UQCRC1: variants seen among roughly 807,000 people sequenced by gnomAD.
UQCRC1 encodes cytochrome b-c1 complex subunit 1, mitochondrial.
Under a neutral mutation model 58.0 loss-of-function variants are expected in UQCRC1, and 34 were observed. That is an observed-to-expected ratio of 0.59 (90% CI 0.45 to 0.78). UQCRC1 has a LOEUF of 0.78. UQCRC1 is among the 30% of genes least tolerant of loss of function. UQCRC1 has a pLI of 0.00. For missense variants in UQCRC1, 610 were observed against 646.0 expected (o/e 0.94, Z 0.60); for synonymous variants, 276 against 248.8 (o/e 1.11, Z -1.03).
intron 11 of UQCRC1, 78 bp from the exon 12 acceptor site, chr3:48,599,788 C>A: frequency 6.9e-7 from 1 of 1,441,576 alleles, no homozygotes; most frequent in South Asian, 1.1e-5. Context: ...ATCCAACTAG[C>A]AGAGATCTCC....
In UQCRC1 at chr3:48,604,741, C is replaced by A; in HGVS notation, c.337G>T (p.Val113Leu). 1.2e-6 allele frequency: 2 copies of A among 1,614,168 alleles called. No homozygotes were observed. The highest frequency in any genetic ancestry group is 1.1e-5 in the South Asian group (1 of 91,082). ...NRPGSALEKEVESMGAHLNAY... is the reference protein window; with the variant it reads ...NRPGSALEKELESMGAHLNAY... ...TTAAGATGGGCCCCCATGCTCTCCA[C>A]CTCCTTCTCCAGGGCACTGCCAGGC... The change falls in exon 4 of 13, where the codon GTG (valine) becomes TTG (leucine). Residue 113 changes from valine (V) to leucine (L), a missense_variant. Coordinates refer to ENST00000203407, the MANE Select transcript of UQCRC1 (RefSeq NM_003365.3).
At chr3:48,604,547 G>A in intron 4 of UQCRC1, 104 bp downstream of exon 4, 1 of 1,589,338 alleles carries the variant, frequency 6.3e-7, no homozygotes, top group South Asian at 1.1e-5. Context: ...CAGCTGCAAA[G>A]CCATACGCTA....
At chr3:48,609,131 G>A in intron 2 of UQCRC1, 31 bp downstream of exon 2, 2 of 1,583,672 alleles carry the variant, frequency 1.3e-6, no homozygotes, top group East Asian at 4.6e-5. Flanking sequence ...CCAACCTGGA[G>A]GCCCTCTCCC....
chr3:48,609,285 C>G lies in UQCRC1; in HGVS notation c.87G>C (p.Thr29=). ...RARRSPALLR[T]PALRSTATFA... ...AGGTTGCCGTACTCCGCAAGGCTGG[C>G]GTCCGCAGCAGGGCCGGCTGTGGAA... Residue 29 remains threonine, a synonymous_variant, in exon 2 of 13, where the codon ACG becomes ACC. Transcript: ENST00000203407. 6.2e-7 allele frequency: 1 copy of G among 1,610,022 alleles called. No individual in the cohort carries two copies. The highest frequency in any genetic ancestry group is 8.5e-7 in the Non-Finnish European group (1 of 1,177,742).
intron 5 of UQCRC1, 144 bp from the exon 6 acceptor site, chr3:48,603,787 C>A: frequency 1.3e-6 from 1 of 785,538 alleles, no homozygotes; most frequent in Non-Finnish European, 2.1e-6. Context: ...CAACCCCCTT[C>A]CCCTGTCTCT....
At chr3:48,606,932 T>C (rs1012145225) in intron 2 of UQCRC1, among the ~76,000 whole-genome samples, 1 of 151,982 alleles carries the variant, frequency 6.6e-6, no homozygotes, top group Non-Finnish European at 1.5e-5. Context: ...TGATGTCGGC[T>C]CACTCAACCT....
In UQCRC1 at chr3:48,600,573, G is replaced by T. The variant is rs1163904432; in HGVS notation, c.1128-6C>A. 6.2e-7 allele frequency: 1 copy of T among 1,614,138 alleles called. No individual in the cohort carries two copies. Among genetic ancestry groups the T allele is most frequent in the Admixed American group, 1.7e-5 (1 of 60,026 alleles). On this transcript the variant is annotated splice_region_variant and splice_polypyrimidine_tract_variant and intron_variant, in intron 9 of 12. Coordinates refer to ENST00000203407, the MANE Select transcript of UQCRC1 (RefSeq NM_003365.3). ...CACTGGTACACAGGCGCATCCTAAA[G>T]TGGGGGGGTGGGTGGTATTCATTCT...
Position 48,600,106 on chromosome 3 carries a change from T to C in UQCRC1, c.1259A>G (p.Tyr420Cys), listed in dbSNP as rs569760734. 6 of 1,614,068 alleles carry C rather than the reference T, an allele frequency of 3.7e-6. No homozygotes were observed. The highest frequency in any genetic ancestry group is 2.2e-5 in the South Asian group (2 of 91,080). Residue 420 changes from tyrosine (Y) to cysteine (C), a missense_variant, in exon 11 of 13, where the codon TAT (tyrosine) becomes TGT (cysteine). By Grantham distance (194) the Tyr-to-Cys change is radical. Coordinates refer to ENST00000203407, the MANE Select transcript of UQCRC1 (RefSeq NM_003365.3). ...CEDIGRSLLT[Y>C]GRRIPLAEWE... is the part of the protein sequence containing the mutation. ...TTCAGCCAGGGGGATGCGGCGGCCA[T>C]AGGTCAGGAGGCTGCGTCCGATGTC...
At position 48,609,563 on chromosome 3, in the gene UQCRC1, C is replaced by G. The variant is rs771621515; in HGVS notation, c.58G>C (p.Ala20Pro). The G allele has an allele frequency of 6.4e-7, 1 of 1,564,818 alleles. No individual in the cohort carries two copies. Among genetic ancestry groups the G allele is most frequent in the Non-Finnish European group, 8.6e-7 (1 of 1,160,764 alleles). The change falls in exon 1 of 13, where the codon GCC becomes CCC. Residue 20 changes from alanine (A) to proline (P), a missense_variant. By Grantham distance (27) the Ala-to-Pro change is conservative (BLOSUM62 -1). Transcript: ENST00000203407. ...CGCCACCACCTCACCGAGCGGCGGG[C>G]GCGCAATAGCACTTGTGCCCCGGCG... ...ATAGAQVLLR[A>P]RRSPALLRTP...
chr3:48,601,198 G>GT (rs2046362167), intron 7 of UQCRC1, 80 bp from the exon 8 acceptor site: 1 of 1,551,266 alleles, frequency 6.4e-7, no homozygotes, highest in Admixed American at 1.8e-5. Context: ...GGTAGAGGGT[G>GT]TATGTGTGTG....
chr3:48,606,434 C>T (rs1429119892), intron 2 of UQCRC1, among the ~76,000 whole-genome samples: 2 of 152,170 alleles, frequency 1.3e-5, no homozygotes, highest in Non-Finnish European at 2.9e-5. Flanking sequence ...ATTTTCTTGA[C>T]AGCCTCCTGG....
In UQCRC1 at chr3:48,604,232, C is replaced by A. The variant is rs2046391234; in HGVS notation, c.626+1G>T. On this transcript the variant is annotated splice_donor_variant, in intron 5 of 12. Transcript: ENST00000203407. LOFTEE classifies it high-confidence loss of function. Reference sequence around the variant, plus strand: ...CCCCCACAAGGCCAGCCAACTCTCACCTGACATTCTCACTGGGCCCCTCCA... The same window carrying A: ...CCCCCACAAGGCCAGCCAACTCTCAACTGACATTCTCACTGGGCCCCTCCA... The A allele has an allele frequency of 6.2e-7, 1 of 1,612,150 alleles. No homozygotes were observed. Among genetic ancestry groups the A allele is most frequent in the African/African-American group, 1.3e-5 (1 of 74,878 alleles).
chr3:48,600,227 C>T (rs2046351725), intron 10 of UQCRC1, 76 bp from the exon 11 acceptor site: 2 of 1,530,416 alleles, frequency 1.3e-6, no homozygotes, highest in South Asian at 1.1e-5. Context: ...AATCTCCAGC[C>T]TCAGGTTGAC....
intron 12 of UQCRC1, 183 bp from the exon 13 acceptor site, chr3:48,599,375 A>G (rs2046340653): frequency 1.3e-6 from 1 of 757,558 alleles, no homozygotes; most frequent in Admixed American, 2.9e-5. Context: ...TGGCCCTTGA[A>G]GCCCCACCCC....
intron 11 of UQCRC1, 132 bp from the exon 12 acceptor site, chr3:48,599,842 A>G (rs1043786893): frequency 1.5e-5 from 17 of 1,102,254 alleles, no homozygotes; most frequent in Middle Eastern, 5.1e-4. Context: ...GAGGAAAGGC[A>G]GAAGGGATCC....
chr3:48,606,026 A>C (rs1329902027), intron 2 of UQCRC1, among the ~76,000 whole-genome samples, 170 bp from the exon 3 acceptor site: 1 of 152,156 alleles, frequency 6.6e-6, no homozygotes, highest in Non-Finnish European at 1.5e-5. Flanking sequence ...TCATGCTTGG[A>C]AAACAGGGGC....
At position 48,601,230 on chromosome 3, in the gene UQCRC1, G is replaced by A. The variant is rs1575512287; in HGVS notation, c.823-112C>T. The A allele has an allele frequency of 2.6e-6, 4 of 1,528,898 alleles. No individual in the cohort carries two copies. The Admixed American group carries it at 5.8e-5, about 22-fold the overall frequency. The allele number at this position is 1,528,898 out of a possible 1,614,324, so 94.7% of individuals were successfully genotyped here. A position where few individuals can be genotyped will look rare whatever the true frequency, so the allele number is the denominator to read the frequency against. ...TGTGAACATGTGTGCCTGTGATGCA[G>A]CAGCCACAGAACCCCTTCCCAACTG... On this transcript the variant is annotated intron_variant, in intron 7 of 12. Transcript: ENST00000203407.
At chr3:48,609,380 C>A in intron 1 of UQCRC1, 78 bp from the exon 2 acceptor site, 1 of 1,543,492 alleles carries the variant, frequency 6.5e-7, no homozygotes, top group Non-Finnish European at 8.7e-7. Context: ...GGAGGACCCC[C>A]GAACCCCGCC....
At position 48,609,221 on chromosome 3, in the gene UQCRC1, T is replaced by C. The variant is rs117171524; in HGVS notation, c.151A>G (p.Ser51Gly). ...ALQFVPETQV[S>G]LLDNGLRVAS... Reference sequence around the variant, plus strand: ...ACACGCAGGCCGTTGTCCAGCAGGCTAACCTGCGTCTCCGGCACGAACTGG... The same window carrying C: ...ACACGCAGGCCGTTGTCCAGCAGGCCAACCTGCGTCTCCGGCACGAACTGG... The change falls in exon 2 of 13, where the codon AGC (serine) becomes GGC (glycine). Residue 51 changes from serine (S) to glycine (G), a missense_variant. Transcript: ENST00000203407. 3.6e-4 allele frequency: 573 copies of C among 1,613,126 alleles called. 1 individual carries two copies. Among genetic ancestry groups the C allele is most frequent in the Middle Eastern group, 3.3e-4 (2 of 6,058 alleles).
Sources: allele counts gnomAD v4.1 joint callset (sites outside exome capture counted in the v4.1 genomes callset), GRCh38; gene constraint gnomAD v4.1.1; transcripts MANE v1.5; gene names NCBI Gene and HGNC (gene_info 2026-07-23, HGNC 2026-07-21).